The following NFIB variants were observed in gnomAD, a reference collection of about 807,000 sequenced individuals.
NFIB encodes the protein nuclear factor 1 B-type.
In NFIB, 11 loss-of-function variants were observed where a neutral mutation model predicts 61.5. The ratio of observed to expected loss-of-function variants is 0.18; its 90% CI spans 0.11 to 0.30. The LOEUF (loss-of-function observed/expected upper bound fraction) is 0.30. NFIB is among the 10% of genes least tolerant of loss of function. NFIB has a pLI of 1.00. For synonymous variants in NFIB, 260 were observed against 216.5 expected (o/e 1.20, Z -1.76); for missense variants, 471 against 608.9 (o/e 0.77, Z 2.38).
Position 14,294,508 on chromosome 9 carries a change from C to A in NFIB, c.562+12481G>T, listed in dbSNP as rs185329971. Among the ~76,000 whole-genome samples, 1,067 of 152,340 alleles carry A rather than the reference C, an allele frequency of 7.0e-3. 8 individuals carry two copies. The highest frequency in any genetic ancestry group is 0.024 in the Middle Eastern group (7 of 294). The stretch of plus-strand genomic sequence containing the variant: ...GTTTACATATGTTTAAAAACTGTGG[C>A]TGCACTTTGTTTCATGTATATGATT... On this transcript the variant is annotated intron_variant, in intron 2 of 10. Transcript: ENST00000380953.
chr9:14,292,779 G>C (rs1454312104), intron 2 of NFIB, among the ~76,000 whole-genome samples: 3 of 152,054 alleles, frequency 2.0e-5, no homozygotes, highest in Admixed American at 6.5e-5. Flanking sequence ...TCCATTATCA[G>C]GTCACTAAAT....
intron 1 of NFIB, among the ~76,000 whole-genome samples, chr9:14,396,472 C>T (rs1220251948): frequency 6.6e-6 from 1 of 151,980 alleles, no homozygotes; most frequent in East Asian, 1.9e-4. Context: ...CAGTGGGGCC[C>T]AAATTCAGGT....
At chr9:14,514,378 C>T in the NFIB span, among the ~76,000 whole-genome samples, 4 of 150,532 alleles carry the variant, frequency 2.7e-5, no homozygotes, top group East Asian at 2.0e-4. Context: ...CATGCACACC[C>T]GCTTGGCTCT....
intron 2 of NFIB, among the ~76,000 whole-genome samples, chr9:14,261,420 A>G (rs577683931): frequency 6.6e-6 from 1 of 152,364 alleles, no homozygotes; most frequent in African/African-American, 2.4e-5. Flanking sequence ...TATACCATTC[A>G]TATCACATTT....
rs1563771059 is a variant in NFIB at position 14,088,180 on chromosome 9, T to C, written c.*129A>G. 4 of 1,505,022 alleles carry C rather than the reference T, an allele frequency of 2.7e-6. No homozygotes were observed. The highest frequency in any genetic ancestry group is 4.2e-5 in the Admixed American group (2 of 47,928). 93.2% of individuals were successfully genotyped at this position (1,505,022 alleles called of 1,614,324 possible). ...AAAAAAAAAATTTCTTAAACTATTG[T>C]TGTGTTTCTTTTTCCCTCAGTTGCT... is the stretch of plus-strand genomic sequence containing the variant. On this transcript the variant is annotated 3_prime_UTR_variant, in exon 11 of 11. Transcript: ENST00000380953.
the NFIB span, among the ~76,000 whole-genome samples, chr9:14,420,757 A>C: frequency 6.6e-6 from 1 of 152,132 alleles, no homozygotes; most frequent in Non-Finnish European, 1.5e-5. Flanking sequence ...CTAAAATACT[A>C]AGGGGCAGGA....
chr9:14,390,743 C>A (rs1339182975), intron 1 of NFIB, among the ~76,000 whole-genome samples: 1 of 152,186 alleles, frequency 6.6e-6, no homozygotes, highest in Non-Finnish European at 1.5e-5. Flanking sequence ...TGTGAGAACA[C>A]AGTGAGAAGA....
At chr9:14,422,719 T>C in the NFIB span, among the ~76,000 whole-genome samples, 11 of 152,158 alleles carry the variant, frequency 7.2e-5, no homozygotes, top group Non-Finnish European at 1.6e-4. Context: ...TAGAAGAATA[T>C]GGTACAAAAT....
chr9:14,234,346 G>A (rs2053519163), intron 2 of NFIB, among the ~76,000 whole-genome samples: 1 of 151,136 alleles, frequency 6.6e-6, no homozygotes, highest in Non-Finnish European at 1.5e-5. Flanking sequence ...TTGATAAGAG[G>A]AGGCATGTAG....
chr9:14,454,651 C>T, the NFIB span, among the ~76,000 whole-genome samples: 2 of 152,188 alleles, frequency 1.3e-5, no homozygotes, highest in African/African-American at 4.8e-5. Flanking sequence ...TCTGTAACAT[C>T]AGTTCTATAT....
At chr9:14,478,045 C>A in the NFIB span, among the ~76,000 whole-genome samples, 1 of 152,062 alleles carries the variant, frequency 6.6e-6, no homozygotes, top group Non-Finnish European at 1.5e-5. Flanking sequence ...GCTTCCAAAG[C>A]CAAGAAAGGC....
chr9:14,255,859 ACT>A lies in NFIB; in HGVS notation c.562+51128_562+51129del, dbSNP rs750276984. On this transcript the variant is annotated intron_variant, in intron 2 of 10. Transcript: ENST00000380953. Reference sequence around the variant, plus strand: ...ATGCCTTTGGAAAACATTGAATTCAACTCTGTCCTGCTCCAGAATCCACACAC... The same window carrying A: ...ATGCCTTTGGAAAACATTGAATTCAACTGTCCTGCTCCAGAATCCACACAC... Among the ~76,000 whole-genome samples the A allele has an allele frequency of 2.0e-5, 3 of 152,026 alleles. No homozygotes were observed. The South Asian group carries it at 6.2e-4, about 31-fold the overall frequency.
chr9:14,459,685 A>G, the NFIB span, among the ~76,000 whole-genome samples: 1 of 152,074 alleles, frequency 6.6e-6, no homozygotes, highest in Admixed American at 6.6e-5. Flanking sequence ...AAAACAAACA[A>G]CCCCATCAAA....
chr9:14,406,281 G>A, the NFIB span, among the ~76,000 whole-genome samples: 18 of 152,166 alleles, frequency 1.2e-4, no homozygotes, highest in African/African-American at 4.1e-4. Context: ...CTTCACCAGT[G>A]ACTGCTATGA....
the NFIB span, among the ~76,000 whole-genome samples, chr9:14,461,237 C>T: frequency 7.6e-4 from 115 of 152,206 alleles, no homozygotes; most frequent in African/African-American, 2.7e-3. Context: ...GCAATCGGCA[C>T]AGAGTTGATT....
chr9:14,246,200 T>TGG (rs2054907927), intron 2 of NFIB, among the ~76,000 whole-genome samples: 1 of 152,008 alleles, frequency 6.6e-6, no homozygotes, highest in Non-Finnish European at 1.5e-5. Flanking sequence ...TTTTAACACT[T>TGG]TCCCTTTTCC....
At chr9:14,267,853 C>A (rs1459461063) in intron 2 of NFIB, among the ~76,000 whole-genome samples, 3 of 152,206 alleles carry the variant, frequency 2.0e-5, no homozygotes, top group African/African-American at 7.2e-5. Context: ...ATATTCAGGG[C>A]TGGGCGCAGT....
At chr9:14,354,754 A>G (rs1312665379) in intron 1 of NFIB, among the ~76,000 whole-genome samples, 1 of 151,230 alleles carries the variant, frequency 6.6e-6, no homozygotes, top group African/African-American at 2.4e-5. Context: ...TTGCATTTAA[A>G]TGGTTATCTC....
At chr9:14,094,223 A>G (rs1259627093) in intron 10 of NFIB, 1 of 152,126 alleles carries the variant, frequency 6.6e-6, no homozygotes. Flanking sequence ...TCACTGGACT[A>G]GAAGTTATAT....
Sources: gnomAD v4.1 joint callset for allele counts (sites outside exome capture counted in the v4.1 genomes callset) on GRCh38, gnomAD v4.1.1 for gene constraint, MANE v1.5 for transcripts, NCBI Gene and HGNC (gene_info 2026-07-23, HGNC 2026-07-21) for gene names.